Variants in IGSF21 observed in about 807,000 individuals in gnomAD.
The protein encoded by IGSF21 is immunoglobulin superfamily member 21.
IGSF21 carries 28 observed loss-of-function variants against 46.8 expected under a neutral mutation model. The observed-to-expected ratio is 0.60, with a 90% CI of 0.44 to 0.82. The LOEUF (loss-of-function observed/expected upper bound fraction) is 0.82. Among genes scored for constraint, IGSF21 ranks in the 40% least tolerant of loss-of-function variants. The pLI is 0.00. For synonymous variants in IGSF21, 284 were observed against 273.6 expected (o/e 1.04, Z -0.38); for missense variants, 624 against 665.5 (o/e 0.94, Z 0.69).
intron 1 of IGSF21, among the ~76,000 whole-genome samples, chr1:18,153,274 T>G (rs2086537153): frequency 6.6e-6 from 1 of 152,230 alleles, no homozygotes; most frequent in South Asian, 2.1e-4. Context: ...ATAGATGGTT[T>G]TGTCCTCTTG....
intron 4 of IGSF21, among the ~76,000 whole-genome samples, chr1:18,359,606 G>A (rs550741462): frequency 1.8e-4 from 28 of 152,132 alleles, no homozygotes; most frequent in Non-Finnish European, 3.7e-4. Flanking sequence ...TTTTAAAGGA[G>A]TCGCCTGCCT....
At chr1:18,253,530 G>A (rs914569249) in intron 2 of IGSF21, among the ~76,000 whole-genome samples, 3 of 152,218 alleles carry the variant, frequency 2.0e-5, no homozygotes, top group Non-Finnish European at 4.4e-5. Flanking sequence ...GATCCAGCAT[G>A]GCTTTCAGAA....
Position 18,334,759 on chromosome 1 carries a change from C to T in IGSF21, c.306-133C>T. 1 of 701,564 alleles carries T rather than the reference C, an allele frequency of 1.4e-6. No homozygotes were observed. The highest frequency in any genetic ancestry group is 2.6e-6 in the Non-Finnish European group (1 of 388,824). The allele number at this position is 701,564 out of a possible 1,614,324, so 43.5% of individuals were successfully genotyped here. ...TCGGTGTTCCATAAATGCTCCCCTC[C>T]TCCCAGCCCAGCACACAGGCCTGTG... On this transcript the variant is annotated intron_variant, in intron 3 of 9. Transcript: ENST00000251296. The surrounding 1 kb of genome is among the most constrained non-coding windows in gnomAD (Gnocchi z 4.3).
chr1:18,212,006 C>G (rs182835532), intron 1 of IGSF21, among the ~76,000 whole-genome samples: 104 of 152,342 alleles, frequency 6.8e-4, no homozygotes, highest in Admixed American at 6.0e-3. Flanking sequence ...ATCTGCCTCA[C>G]AGCTTCCCAG....
chr1:18,301,666 C>T (rs1179173471), intron 3 of IGSF21, among the ~76,000 whole-genome samples: 1 of 152,218 alleles, frequency 6.6e-6, no homozygotes. Context: ...GATGCCCACC[C>T]TGTGCCAGGT....
chr1:18,170,070 C>T (rs894088548), intron 1 of IGSF21, among the ~76,000 whole-genome samples: 2 of 152,146 alleles, frequency 1.3e-5, no homozygotes, highest in African/African-American at 4.8e-5. Flanking sequence ...CCACAGCAGG[C>T]GCCCAGGAAG....
chr1:18,245,803 G>GC (rs1413619830), intron 2 of IGSF21, among the ~76,000 whole-genome samples: 1 of 152,146 alleles, frequency 6.6e-6, no homozygotes, highest in African/African-American at 2.4e-5. Context: ...AATATTGAGA[G>GC]CAGGGGCCTT....
At chr1:18,226,985 T>A (rs1333205650) in intron 1 of IGSF21, among the ~76,000 whole-genome samples, 1 of 152,102 alleles carries the variant, frequency 6.6e-6, no homozygotes, top group African/African-American at 2.4e-5. Context: ...TAGACTTTGG[T>A]GTGGAGAGAG....
chr1:18,287,009 G>A lies in IGSF21; in HGVS notation c.184-4857G>A, dbSNP rs550890356. ...ATCCCGGCTAAAACGGTGAAACCCCGTCTCTACTAAAAATACAAAAAATTA... is the reference window on the plus strand; with the variant it reads ...ATCCCGGCTAAAACGGTGAAACCCCATCTCTACTAAAAATACAAAAAATTA... On this transcript the variant is annotated intron_variant, in intron 2 of 9. Transcript: ENST00000251296. Among the ~76,000 whole-genome samples, 31 of 151,404 alleles carry A rather than the reference G, an allele frequency of 2.0e-4. No homozygotes were observed. In the South Asian group the frequency reaches 4.6e-3, roughly 23 times the overall value.
At chr1:18,160,562 CATA>C (rs2086609542) in intron 1 of IGSF21, among the ~76,000 whole-genome samples, 1 of 122,768 alleles carries the variant, frequency 8.1e-6, no homozygotes, top group South Asian at 2.7e-4. Flanking sequence ...TGGTTTAAGT[CATA>C]ATTTCTTTTC....
chr1:18,239,611 G>A (rs953356521), intron 2 of IGSF21, among the ~76,000 whole-genome samples: 2 of 152,134 alleles, frequency 1.3e-5, no homozygotes, highest in Non-Finnish European at 2.9e-5. Context: ...CGAATCATAT[G>A]GCTGATTTGC....
intron 4 of IGSF21, among the ~76,000 whole-genome samples, chr1:18,354,655 C>T (rs749261487): frequency 7.2e-5 from 11 of 152,012 alleles, no homozygotes; most frequent in Non-Finnish European, 1.2e-4. Flanking sequence ...AATTGATTAC[C>T]ACCCCATGAT....
chr1:18,145,066 C>T (rs562423591), intron 1 of IGSF21, among the ~76,000 whole-genome samples: 3 of 151,974 alleles, frequency 2.0e-5, no homozygotes, highest in African/African-American at 2.4e-5. Flanking sequence ...TAATTTGAAG[C>T]GTTTAGAAAG....
chr1:18,365,591 C>T lies in IGSF21; in HGVS notation c.909C>T (p.Ala303=). ...GTGACGGCACTGTGGAAGTACGTGC[C>T]CTGCTCACCTGGACCCTCAACCCAC... The part of the protein sequence containing the change: ...PSSDGTVEVR[A]LLTWTLNPQI... The change falls in exon 6 of 10, where the codon GCC becomes GCT. Residue 303 remains alanine, a synonymous_variant. Transcript: ENST00000251296. This position sits in a 1 kb window ranked among gnomAD's most constrained non-coding sequence, Gnocchi z 4.8. The T allele has an allele frequency of 6.2e-7, 1 of 1,614,190 alleles. No individual in the cohort carries two copies. The highest frequency in any genetic ancestry group is 1.7e-5 in the Admixed American group (1 of 60,018).
At chr1:18,205,888 G>A (rs371030596) in intron 1 of IGSF21, among the ~76,000 whole-genome samples, 29 of 152,318 alleles carry the variant, frequency 1.9e-4, no homozygotes, top group African/African-American at 6.5e-4. Context: ...GAATGGTTGG[G>A]TTGATGTGTC....
At chr1:18,311,928 C>T (rs2085492458) in intron 3 of IGSF21, among the ~76,000 whole-genome samples, 1 of 152,206 alleles carries the variant, frequency 6.6e-6, no homozygotes, top group Admixed American at 6.5e-5. Context: ...TGTGTGGGGA[C>T]ACAGCCAAAC....
chr1:18,269,666 G>A (rs1454051349), intron 2 of IGSF21, among the ~76,000 whole-genome samples: 1 of 152,154 alleles, frequency 6.6e-6, no homozygotes, highest in Non-Finnish European at 1.5e-5. Context: ...CGGACCAGCA[G>A]CTCCTAGTGG....
rs561354635 is a variant in IGSF21 at position 18,270,069 on chromosome 1, C to T, written c.184-21797C>T. On this transcript the variant is annotated intron_variant, in intron 2 of 9. Transcript: ENST00000251296. ...TTCTCAAGGACCCCGGGCCCCAAGG[C>T]AGAGCCAGGTGGCATCTTTGCACTT... Among the ~76,000 whole-genome samples, 23 of 152,326 alleles carry T rather than the reference C, an allele frequency of 1.5e-4. No individual in the cohort carries two copies. The South Asian group carries it at 3.3e-3, about 22-fold the overall frequency.
In IGSF21 at chr1:18,303,163, C is replaced by T. The variant is rs575870953; in HGVS notation, c.305+11176C>T. 1.1e-4 allele frequency among the ~76,000 whole-genome samples: 17 copies of T among 152,262 alleles called. No individual in the cohort carries two copies. In the South Asian group the frequency reaches 3.1e-3, roughly 28 times the overall value. ...TCTCTAGGTTCTCAGTGCCCAGCAA[C>T]GGGTCTCAGGAAAGGCTCGTTAAAT... On this transcript the variant is annotated intron_variant, in intron 3 of 9. Transcript: ENST00000251296.
Sources: allele counts gnomAD v4.1 joint callset (sites outside exome capture counted in the v4.1 genomes callset), GRCh38; gene constraint gnomAD v4.1.1; non-coding constraint Gnocchi (gnomAD v3.1); transcripts MANE v1.5; gene names NCBI Gene and HGNC (gene_info 2026-07-23, HGNC 2026-07-21).